ZNF366: variants seen among roughly 807,000 people sequenced by gnomAD.
ZNF366 encodes dendritic cell-specific transcript protein.
ZNF366 carries 20 observed loss-of-function variants against 47.2 expected under a neutral mutation model. The observed-to-expected ratio is 0.42, with a 90% CI of 0.30 to 0.62. ZNF366 has a LOEUF of 0.62. Among genes scored for constraint, ZNF366 ranks in the 20% least tolerant of loss-of-function variants. The pLI is 0.16. For synonymous variants in ZNF366, 421 were observed against 395.1 expected (o/e 1.07, Z -0.78); for missense variants, 987 against 976.3 (o/e 1.01, Z -0.15).
intron 3 of ZNF366, among the ~76,000 whole-genome samples, chr5:72,448,260 C>G (rs1742998324): frequency 7.4e-6 from 1 of 135,786 alleles, no homozygotes; most frequent in South Asian, 2.5e-4. Context: ...CTCAGGTGTA[C>G]AGGAAGTAAG....
At chr5:72,505,622 G>A (rs1261125500) in intron 1 of ZNF366, among the ~76,000 whole-genome samples, 1 of 152,190 alleles carries the variant, frequency 6.6e-6, no homozygotes, top group East Asian at 1.9e-4. Flanking sequence ...ACTAGAATGT[G>A]TTCTGTGATG....
chr5:72,458,259 GC>G (rs1415916022), intron 2 of ZNF366, among the ~76,000 whole-genome samples: 1 of 151,906 alleles, frequency 6.6e-6, no homozygotes, highest in Non-Finnish European at 1.5e-5. Context: ...CTTGTGATCC[GC>G]CCGTCTCGGC....
chr5:72,468,267 A>G (rs1743474354), intron 1 of ZNF366, among the ~76,000 whole-genome samples: 2 of 152,300 alleles, frequency 1.3e-5, no homozygotes, highest in East Asian at 1.9e-4. Context: ...GGTAGAACCA[A>G]AAAGAGGTAA....
At chr5:72,468,968 T>C (rs183742489) in intron 1 of ZNF366, among the ~76,000 whole-genome samples, 110 of 152,368 alleles carry the variant, frequency 7.2e-4, no homozygotes, top group Non-Finnish European at 5.7e-4. Context: ...TATATGTTGT[T>C]TGTTCATGTT....
intron 1 of ZNF366, among the ~76,000 whole-genome samples, chr5:72,490,136 T>C (rs1247674174): frequency 6.6e-6 from 1 of 152,030 alleles, no homozygotes; most frequent in Non-Finnish European, 1.5e-5. Context: ...GCTTCAAGAG[T>C]AGCTTCAAGG....
At chr5:72,493,918 C>CTTTTTTT (rs70999281) in intron 1 of ZNF366, among the ~76,000 whole-genome samples, 9 of 62,528 alleles carry the variant, frequency 1.4e-4, no homozygotes, top group East Asian at 6.0e-4. Context: ...CCATGCCCAG[C>CTTTTTTT]TTTTTTTTTT....
At chr5:72,477,890 G>A (rs2112341478) in intron 1 of ZNF366, among the ~76,000 whole-genome samples, 1 of 152,176 alleles carries the variant, frequency 6.6e-6, no homozygotes, top group African/African-American at 2.4e-5. Flanking sequence ...AAAAAGTGGT[G>A]GGCTGGATTT....
At chr5:72,487,264 A>G (rs2112348608) in intron 1 of ZNF366, among the ~76,000 whole-genome samples, 1 of 152,314 alleles carries the variant, frequency 6.6e-6, no homozygotes, top group African/African-American at 2.4e-5. Context: ...GAGTTTTGCA[A>G]CTTTACACCT....
At chr5:72,445,397 T>C (rs764929123) in intron 4 of ZNF366, among the ~76,000 whole-genome samples, 1 of 152,126 alleles carries the variant, frequency 6.6e-6, no homozygotes, top group African/African-American at 2.4e-5. Context: ...GGCGATGATG[T>C]CCAATTTTGT....
At position 72,507,360 on chromosome 5, in the gene ZNF366, G is replaced by T; in HGVS notation, c.-124C>A. The T allele has an allele frequency of 3.0e-6, 3 of 985,330 alleles. No homozygotes were observed. Among genetic ancestry groups the T allele is most frequent in the Non-Finnish European group, 3.6e-6 (3 of 829,990 alleles). The allele number at this position is 985,330 out of a possible 1,614,324, so 61.0% of individuals were successfully genotyped here. A position where few individuals can be genotyped will look rare whatever the true frequency, so the allele number is the denominator to read the frequency against. ...CTCTTTCTCTTGTGTACAGATTGCAGGGAACTTAAAGAACTCGCAGGGACA... is the reference window on the plus strand; with the variant it reads ...CTCTTTCTCTTGTGTACAGATTGCATGGAACTTAAAGAACTCGCAGGGACA... On this transcript the variant is annotated 5_prime_UTR_variant, in exon 1 of 5. In the 5' UTR this introduces an upstream ATG that the reference lacks. Coordinates refer to ENST00000318442, the MANE Select transcript of ZNF366 (RefSeq NM_152625.3).
Position 72,451,421 on chromosome 5 carries a change from G to C in ZNF366, c.1525-4004C>G, listed in dbSNP as rs117045938. On this transcript the variant is annotated intron_variant, in intron 3 of 4. Transcript: ENST00000318442. The stretch of plus-strand genomic sequence containing the variant: ...AGGCTTTGAGATGTCAGAGTAGTGA[G>C]AGGAGGTGTAGACACAGAAGGACAG... Among the ~76,000 whole-genome samples the C allele has an allele frequency of 2.0e-5, 3 of 152,370 alleles. No homozygotes were observed. In the East Asian group the frequency reaches 5.8e-4, roughly 29 times the overall value.
rs868724184 is a variant in ZNF366, at chr5:72,460,229, C to A, written c.1268G>T (p.Cys423Phe). ...MKHKDIRPYI[C>F]SECGMEFVQP... Reference sequence around the variant, plus strand: ...CACAAACTCCATGCCACACTCTGAGCAGATGTAGGGCCGGATGTCCTTGTG... The same window carrying A: ...CACAAACTCCATGCCACACTCTGAGAAGATGTAGGGCCGGATGTCCTTGTG... Residue 423 changes from cysteine (C) to phenylalanine (F), a missense_variant, in exon 2 of 5, where the codon TGC becomes TTC. Physicochemically the swap from Cys to Phe is radical, Grantham distance 205. This residue lies in a region of ZNF366 where 111 missense variants were observed against 180.5 expected (regional missense o/e 0.61). Coordinates refer to ENST00000318442, the MANE Select transcript of ZNF366 (RefSeq NM_152625.3). The A allele has an allele frequency of 6.2e-7, 1 of 1,614,256 alleles. No homozygotes were observed. The highest frequency in any genetic ancestry group is 8.5e-7 in the Non-Finnish European group (1 of 1,180,042).
At chr5:72,507,088 T>G (rs1028757988) in intron 1 of ZNF366, among the ~76,000 whole-genome samples, 163 bp downstream of exon 1, 2 of 152,224 alleles carry the variant, frequency 1.3e-5, no homozygotes, top group African/African-American at 4.8e-5. Context: ...ATCAGTATTC[T>G]CTTACCAAAA....
At chr5:72,475,830 G>A (rs1388265278) in intron 1 of ZNF366, among the ~76,000 whole-genome samples, 1 of 152,148 alleles carries the variant, frequency 6.6e-6, no homozygotes, top group Non-Finnish European at 1.5e-5. Flanking sequence ...TGCCCAATCA[G>A]AGGCTCTCAT....
intron 1 of ZNF366, among the ~76,000 whole-genome samples, chr5:72,502,136 A>T (rs1432936379): frequency 6.6e-6 from 1 of 152,182 alleles, no homozygotes; most frequent in Non-Finnish European, 1.5e-5. Context: ...TATTTAACAA[A>T]TATTTATTGT....
Position 72,440,936 on chromosome 5 carries a change from C to G in ZNF366, c.*2820G>C, listed in dbSNP as rs1742845455. Reference sequence around the variant, plus strand: ...TCCATAACAAATTGTTTTTATTTCTCCTAGACCTTTTTACTGCCTCCAAAT... The same window carrying G: ...TCCATAACAAATTGTTTTTATTTCTGCTAGACCTTTTTACTGCCTCCAAAT... On this transcript the variant is annotated 3_prime_UTR_variant, in exon 5 of 5. Transcript: ENST00000318442. 6.6e-6 allele frequency: 1 copy of G among 152,168 alleles called. No homozygotes were observed. The highest frequency in any genetic ancestry group is 1.5e-5 in the Non-Finnish European group (1 of 68,042). The allele number at this position is 152,168 out of a possible 1,614,324, so 9.4% of individuals were successfully genotyped here. A position where few individuals can be genotyped will look rare whatever the true frequency, so the allele number is the denominator to read the frequency against.
chr5:72,488,740 G>A (rs990614008), intron 1 of ZNF366, among the ~76,000 whole-genome samples: 2 of 152,134 alleles, frequency 1.3e-5, no homozygotes, highest in African/African-American at 2.4e-5. Context: ...CCCAGCAACC[G>A]CATTTGGAGA....
chr5:72,442,047 AT>A lies in ZNF366; in HGVS notation c.*1708del, dbSNP rs11294795. 129,500 of 151,676 alleles carry A rather than the reference AT, an allele frequency of 0.85. 55,460 individuals carry two copies. The highest frequency in any genetic ancestry group is 0.96 in the East Asian group (4,967 of 5,150). 9.4% of individuals were successfully genotyped at this position (151,676 alleles called of 1,614,324 possible). A position where few individuals can be genotyped will look rare whatever the true frequency, so the allele number is the denominator to read the frequency against. ...ATGAGTCACCATAGGCCAGTCATGCATTTTTTAAACATAGTAAGTGACCATA... is the reference window on the plus strand; with the variant it reads ...ATGAGTCACCATAGGCCAGTCATGCATTTTTAAACATAGTAAGTGACCATA... On this transcript the variant is annotated 3_prime_UTR_variant, in exon 5 of 5. Coordinates refer to ENST00000318442, the MANE Select transcript of ZNF366 (RefSeq NM_152625.3).
At chr5:72,478,187 T>C (rs1743713374) in intron 1 of ZNF366, among the ~76,000 whole-genome samples, 1 of 152,132 alleles carries the variant, frequency 6.6e-6, no homozygotes, top group Non-Finnish European at 1.5e-5. Context: ...AAAGAGGAGT[T>C]AGATTTATGC....
Sources: gnomAD v4.1 joint callset for allele counts (sites outside exome capture counted in the v4.1 genomes callset) on GRCh38, gnomAD v4.1.1 for gene constraint, gnomAD v4.1.1 regional missense constraint, MANE v1.5 for transcripts, NCBI Gene and HGNC (gene_info 2026-07-23, HGNC 2026-07-21) for gene names.